Variants in CST2 observed in about 807,000 individuals in gnomAD.
CST2 encodes the protein cystatin-SA.
Under a neutral mutation model 13.4 loss-of-function variants are expected in CST2, and 26 were observed. That is an observed-to-expected ratio of 1.95 (90% CI 1.43 to 2.70). CST2 has a LOEUF of 2.70. CST2 is among the 30% of genes most tolerant of loss of function. The pLI is 0.00. For synonymous variants in CST2, 105 were observed against 71.1 expected (o/e 1.48, Z -2.40); for missense variants, 243 against 173.4 (o/e 1.40, Z -2.25).
chr20:23,825,172 A>C lies in CST2; in HGVS notation c.342+38T>G, dbSNP rs1315606099. 3.7e-6 allele frequency: 6 copies of C among 1,611,038 alleles called. No homozygotes were observed. In the South Asian group the frequency reaches 6.6e-5, roughly 18 times the overall value. On this transcript the variant is annotated intron_variant, in intron 2 of 2. Transcript: ENST00000304725. ...GACTGACACATACGCACCCCTCTGC[A>C]GTGCATGACTGGCCTGGGACCCGCA...
chr20:23,823,781 G>A lies in CST2; in HGVS notation c.*239C>T, dbSNP rs1444610083. On this transcript the variant is annotated 3_prime_UTR_variant, in exon 3 of 3. Transcript: ENST00000304725. ...GAACTCAGAGGGAGGTGATGCTACT[G>A]TTTAATTGCAGGAGGTGGGGGTGTG... The A allele has an allele frequency of 5.5e-6, 3 of 542,008 alleles. No homozygotes were observed. Among genetic ancestry groups the A allele is most frequent in the Non-Finnish European group, 1.0e-5 (3 of 300,802 alleles). 33.6% of individuals were successfully genotyped at this position (542,008 alleles called of 1,614,324 possible). A position where few individuals can be genotyped will look rare whatever the true frequency, so the allele number is the denominator to read the frequency against.
chr20:23,826,498 A>G lies in CST2; in HGVS notation c.163T>C (p.Tyr55His). Reference sequence around the variant, plus strand: ...TACTCATCTTCAGTGGCCTTGTTATACTCGCTGATGACAAAGTGAAGGGCA... The same window carrying G: ...TACTCATCTTCAGTGGCCTTGTTATGCTCGCTGATGACAAAGTGAAGGGCA... ...QRALHFVISE[Y>H]NKATEDEYYR... The change falls in exon 1 of 3, where the codon TAT (tyrosine) becomes CAT (histidine). Residue 55 changes from tyrosine to histidine, a missense_variant. Transcript: ENST00000304725. 6.2e-7 allele frequency: 1 copy of G among 1,614,040 alleles called. No individual in the cohort carries two copies. Among genetic ancestry groups the G allele is most frequent in the South Asian group, 1.1e-5 (1 of 91,070 alleles).
intron 2 of CST2, 112 bp from the exon 3 acceptor site, chr20:23,824,215 C>T (rs866936430): frequency 5.0e-6 from 5 of 998,374 alleles, no homozygotes; most frequent in African/African-American, 4.8e-5. Flanking sequence ...AGACACTGGG[C>T]CCTCACCCAC....
chr20:23,825,016 A>G (rs111444214), intron 2 of CST2, among the ~76,000 whole-genome samples, 194 bp downstream of exon 2: 1 of 151,214 alleles, frequency 6.6e-6, no homozygotes, highest in African/African-American at 2.4e-5. Context: ...GTGTACACAC[A>G]TGCACCTTTC....
rs756966534 is a variant in CST2 at position 23,826,472 on chromosome 20, G to A, written c.189C>T (p.Tyr63=). The change falls in exon 1 of 3, where the codon TAC becomes TAT. Residue 63 remains tyrosine (Y), a synonymous_variant. Transcript: ENST00000304725. ...SEYNKATEDE[Y]YRRLLRVLRA... Reference sequence around the variant, plus strand: ...GTAGCACCCGCAGCAGGCGTCTGTAGTACTCATCTTCAGTGGCCTTGTTAT... The same window carrying A: ...GTAGCACCCGCAGCAGGCGTCTGTAATACTCATCTTCAGTGGCCTTGTTAT... 8 of 1,614,174 alleles carry A rather than the reference G, an allele frequency of 5.0e-6. No individual in the cohort carries two copies. Among genetic ancestry groups the A allele is most frequent in the Admixed American group, 3.3e-5 (2 of 60,026 alleles).
intron 2 of CST2, among the ~76,000 whole-genome samples, chr20:23,824,475 G>A (rs555118647): frequency 6.6e-6 from 1 of 152,156 alleles, no homozygotes; most frequent in African/African-American, 2.4e-5. Context: ...AGGGGCCAGA[G>A]GGAAGAACCC....
chr20:23,824,076 C>T lies in CST2; in HGVS notation c.370G>A (p.Glu124Lys), dbSNP rs372139444. The T allele has an allele frequency of 1.1e-4, 171 of 1,613,884 alleles. 1 individual carries two copies. The highest frequency in any genetic ancestry group is 1.6e-4 in the East Asian group (7 of 44,874). Residue 124 changes from glutamate to lysine, a missense_variant, in exon 3 of 3, where the codon GAA becomes AAA. Glu to Lys is a moderately conservative substitution (Grantham distance 56, BLOSUM62 1). Coordinates refer to ENST00000304725, the MANE Select transcript of CST2 (RefSeq NM_001322.3). ...KKQLCSFQIY[E>K]VPWEDRMSLV... ...GACATTCTGTCCTCCCAGGGAACTT[C>T]GTAGATCTGGAAAGAGCACAACTGT...
At chr20:23,825,527 G>C (rs936122229) in intron 1 of CST2, among the ~76,000 whole-genome samples, 2 of 152,244 alleles carry the variant, frequency 1.3e-5, no homozygotes, top group East Asian at 1.9e-4. Flanking sequence ...TGTTTTCTCT[G>C]TGCTGGGTAA....
rs1286609184 is a variant in CST2 at position 23,823,918 on chromosome 20, A to T, written c.*102T>A. On this transcript the variant is annotated 3_prime_UTR_variant, in exon 3 of 3. Transcript: ENST00000304725. ...CTCTGTCTTCTCCTGCTGCAGGTGCATGGGGAGACCTCCCACAGGGTGGGG... is the reference window on the plus strand; with the variant it reads ...CTCTGTCTTCTCCTGCTGCAGGTGCTTGGGGAGACCTCCCACAGGGTGGGG... 1.6e-6 allele frequency: 2 copies of T among 1,241,176 alleles called. No individual in the cohort carries two copies. The highest frequency in any genetic ancestry group is 3.7e-5 in the Admixed American group (2 of 53,818). 76.9% of individuals were successfully genotyped at this position (1,241,176 alleles called of 1,614,324 possible).
chr20:23,825,401 A>C, intron 1 of CST2, 78 bp from the exon 2 acceptor site: 2 of 1,495,740 alleles, frequency 1.3e-6, no homozygotes, highest in Non-Finnish European at 1.8e-6. Context: ...ACTGTGGCTG[A>C]GTCACTGGAC....
At position 23,825,318 on chromosome 20, in the gene CST2, C is replaced by A. The variant is rs1461718235; in HGVS notation, c.234G>T (p.Val78=). The change falls in exon 2 of 3, where the codon GTG becomes GTT. Residue 78 remains valine, a synonymous_variant. Coordinates refer to ENST00000304725, the MANE Select transcript of CST2 (RefSeq NM_001322.3). ...LRVLRAREQI[V]GGVNYFFDIE... ...TGTCGAAGAAGTAATTCACCCCGCC[C>A]ACGATCTACACACATGAGAAAACAG... 11 of 1,613,468 alleles carry A rather than the reference C, an allele frequency of 6.8e-6. No individual in the cohort carries two copies. Among genetic ancestry groups the A allele is most frequent in the Admixed American group, 3.3e-5 (2 of 59,976 alleles).
chr20:23,825,418 G>A (rs866871619), intron 1 of CST2, 95 bp from the exon 2 acceptor site: 1 of 1,356,582 alleles, frequency 7.4e-7, no homozygotes, highest in Non-Finnish European at 1.0e-6. Flanking sequence ...GGACTTGCTT[G>A]GGGGCTTCGT....
chr20:23,825,853 T>A (rs546767573), intron 1 of CST2, among the ~76,000 whole-genome samples: 72 of 152,324 alleles, frequency 4.7e-4, no homozygotes, highest in Non-Finnish European at 9.1e-4. Context: ...GTGTCACTAT[T>A]TGCTGCTCTG....
At chr20:23,826,056 C>T (rs1234053131) in intron 1 of CST2, among the ~76,000 whole-genome samples, 2 of 152,168 alleles carry the variant, frequency 1.3e-5, no homozygotes, top group Non-Finnish European at 2.9e-5. Context: ...AGGGGGTGGT[C>T]AGCCGGCCTG....
Position 23,823,968 on chromosome 20 carries a change from C to A in CST2, c.*52G>T. 6.3e-7 allele frequency: 1 copy of A among 1,597,806 alleles called. No homozygotes were observed. The highest frequency in any genetic ancestry group is 1.1e-5 in the South Asian group (1 of 90,338). ...GGCCACCAGTCCAGGGGTGGGAGCA[C>A]TACAAGGGGTGGGAGTAGGAGGTGG... On this transcript the variant is annotated 3_prime_UTR_variant, in exon 3 of 3. Coordinates refer to ENST00000304725, the MANE Select transcript of CST2 (RefSeq NM_001322.3).
chr20:23,825,799 A>G (rs2122136463), intron 1 of CST2, among the ~76,000 whole-genome samples: 1 of 152,212 alleles, frequency 6.6e-6, no homozygotes, highest in South Asian at 2.1e-4. Flanking sequence ...GCTGGTCTGG[A>G]TTCCTTTGAA....
In CST2 at chr20:23,825,350, C is replaced by T. The variant is rs376970404; in HGVS notation, c.229-27G>A. ...TACACACATGAGAAAACAGGATGCA[C>T]GGACAGCGCCCCCATCAGTTCATGC... On this transcript the variant is annotated intron_variant, in intron 1 of 2. Transcript: ENST00000304725. 1.1e-5 allele frequency: 18 copies of T among 1,607,756 alleles called. No homozygotes were observed. In the East Asian group the frequency reaches 1.6e-4, roughly 14 times the overall value.
chr20:23,824,177 C>G (rs1354595819), intron 2 of CST2, 74 bp from the exon 3 acceptor site: 1 of 1,491,554 alleles, frequency 6.7e-7, no homozygotes, highest in Non-Finnish European at 9.3e-7. Flanking sequence ...CATGAGATGT[C>G]ACAGCCTGAG....
rs867960784 is a variant in CST2, at chr20:23,824,213, G to C, written c.343-110C>G. 51 of 1,078,216 alleles carry C rather than the reference G, an allele frequency of 4.7e-5. No individual in the cohort carries two copies. The African/African-American group carries it at 5.0e-4, about 11-fold the overall frequency. The allele number at this position is 1,078,216 out of a possible 1,614,324, so 66.8% of individuals were successfully genotyped here. ...TGAGGAGGATGGAGGTGAGACACTG[G>C]GCCCTCACCCACCCCTGCTGAGTCC... On this transcript the variant is annotated intron_variant, in intron 2 of 2. Transcript: ENST00000304725.
Sources: gnomAD v4.1 joint callset for allele counts (sites outside exome capture counted in the v4.1 genomes callset) on GRCh38, gnomAD v4.1.1 for gene constraint, MANE v1.5 for transcripts, NCBI Gene and HGNC (gene_info 2026-07-23, HGNC 2026-07-21) for gene names.